Variants in AVEN observed in about 807,000 individuals in gnomAD.
The protein encoded by AVEN is cell death regulator Aven.
A neutral mutation model predicts 38.1 loss-of-function variants in AVEN; 41 were observed. The ratio of observed to expected loss-of-function variants is 1.08; its 90% CI spans 0.84 to 1.40. AVEN has a LOEUF of 1.40. AVEN is among the 40% of genes most tolerant of loss of function. The pLI, the probability that AVEN is intolerant of heterozygous loss-of-function variation, is 0.00. For missense variants in AVEN, 605 were observed against 438.8 expected (o/e 1.38, Z -3.38); for synonymous variants, 206 against 171.8 (o/e 1.20, Z -1.56).
the AVEN span, chr15:33,853,511 T>A: frequency 6.3e-7 from 1 of 1,597,922 alleles, no homozygotes; most frequent in South Asian, 1.1e-5. Flanking sequence ...AAATATTTGG[T>A]GGTGGCGTGT....
intron 1 of AVEN, among the ~76,000 whole-genome samples, chr15:34,010,679 T>A (rs1897600565): frequency 6.6e-6 from 1 of 152,156 alleles, no homozygotes; most frequent in African/African-American, 2.4e-5. Context: ...AAAGAACACA[T>A]TTAAGGAAAC....
At chr15:33,870,182 G>A (rs1453185272) in intron 4 of AVEN, among the ~76,000 whole-genome samples, 1 of 151,942 alleles carries the variant, frequency 6.6e-6, no homozygotes, top group East Asian at 1.9e-4. Flanking sequence ...CCTCTCCTCT[G>A]CCATCTCCAC....
intron 2 of AVEN, among the ~76,000 whole-genome samples, chr15:33,962,997 A>C (rs1895255959): frequency 6.6e-6 from 1 of 151,774 alleles, no homozygotes; most frequent in Non-Finnish European, 1.5e-5. Flanking sequence ...GATAATGACT[A>C]AATCAAAATT....
chr15:33,911,183 A>C (rs1218951767), intron 2 of AVEN, among the ~76,000 whole-genome samples: 1 of 152,174 alleles, frequency 6.6e-6, no homozygotes, highest in Non-Finnish European at 1.5e-5. Context: ...CAGTATCAAA[A>C]CCACCGCTGC....
intron 11 of AVEN, chr15:33,860,494 CA>C: frequency 1.5e-6 from 1 of 646,714 alleles, no homozygotes; most frequent in South Asian, 3.0e-5. Context: ...TTTGATAATT[CA>C]CTTTTTTTTT....
At chr15:33,876,132 A>G (rs749316455) in intron 2 of AVEN, 137 bp from the exon 3 acceptor site, 5 of 694,064 alleles carry the variant, frequency 7.2e-6, no homozygotes, top group Non-Finnish European at 1.2e-5. Flanking sequence ...AAACTGGAAC[A>G]TACCTCCAAC....
At chr15:33,858,061 G>T, downstream of AVEN, 6 of 1,043,996 alleles carry the variant, frequency 5.7e-6, no homozygotes, top group Non-Finnish European at 8.1e-6. Context: ...GTAGAAGACA[G>T]ATGTCTTCTC....
chr15:33,896,072 G>C (rs537020436), intron 2 of AVEN, among the ~76,000 whole-genome samples: 1 of 152,280 alleles, frequency 6.6e-6, no homozygotes, highest in East Asian at 1.9e-4. Flanking sequence ...AATATTAAAA[G>C]CAAGACCTAA....
At chr15:34,046,700 G>C (rs1899697728) in intron 5 of AVEN, 1 of 152,272 alleles carries the variant, frequency 6.6e-6, no homozygotes, top group Non-Finnish European at 1.5e-5. Flanking sequence ...GCAAAGGAAT[G>C]AAAGGTGTGA....
At chr15:33,854,913 G>T, downstream of AVEN, 1 of 1,608,844 alleles carries the variant, frequency 6.2e-7, no homozygotes, top group Non-Finnish European at 8.5e-7. Context: ...TGGCAAACAG[G>T]TATGGTTTCT....
chr15:33,984,946 C>G (rs1249384289), intron 2 of AVEN, among the ~76,000 whole-genome samples: 1 of 152,106 alleles, frequency 6.6e-6, no homozygotes, highest in Non-Finnish European at 1.5e-5. Flanking sequence ...AAGAGATGAA[C>G]CAACCAATAT....
At chr15:33,993,714 C>CTGG (rs980609693) in intron 2 of AVEN, among the ~76,000 whole-genome samples, 53 of 152,304 alleles carry the variant, frequency 3.5e-4, no homozygotes, top group African/African-American at 1.3e-3. Context: ...ACCACACCTG[C>CTGG]TACCGGGCCC....
At chr15:33,858,080 A>G (rs2079892751), downstream of AVEN, 5 of 923,028 alleles carry the variant, frequency 5.4e-6, no homozygotes, top group South Asian at 1.8e-5. Context: ...TCCAAACAGG[A>G]GAGTGTCCTG....
At chr15:33,883,951 C>T (rs1358753632) in intron 2 of AVEN, among the ~76,000 whole-genome samples, 1 of 152,180 alleles carries the variant, frequency 6.6e-6, no homozygotes, top group Non-Finnish European at 1.5e-5. Flanking sequence ...GTTCAATGTT[C>T]TAACCAAGAC....
chr15:33,996,234 C>A lies in AVEN; in HGVS notation c.445+6798G>T, dbSNP rs561250518. Reference sequence around the variant, plus strand: ...TAGCAAGGCCTGCTGCCTCTGTAGACCCCACCCCTGGGGGCAGGGCATAGC... The same window carrying A: ...TAGCAAGGCCTGCTGCCTCTGTAGAACCCACCCCTGGGGGCAGGGCATAGC... On this transcript the variant is annotated intron_variant, in intron 2 of 5. Transcript: ENST00000306730. Among the ~76,000 whole-genome samples, 50 of 152,346 alleles carry A rather than the reference C, an allele frequency of 3.3e-4. 2 individuals carry two copies. The South Asian group carries it at 0.01, about 31-fold the overall frequency.
At chr15:34,023,861 C>A (rs2702282) in intron 1 of AVEN, among the ~76,000 whole-genome samples, 72,274 of 152,060 alleles carry the variant, frequency 0.48, 20,501 homozygotes, top group Non-Finnish European at 0.64. Context: ...ACAGATGCCA[C>A]GTTTTTGGCC....
At chr15:33,857,520 A>T (rs1161784668), downstream of AVEN, among the ~76,000 whole-genome samples, 1 of 151,970 alleles carries the variant, frequency 6.6e-6, no homozygotes, top group African/African-American at 2.4e-5. Flanking sequence ...TCAGCATATG[A>T]ATTTGAAGGG....
upstream of AVEN, among the ~76,000 whole-genome samples, chr15:34,041,826 G>T (rs1448143732): frequency 1.3e-5 from 2 of 152,140 alleles, no homozygotes; most frequent in Non-Finnish European, 2.9e-5. Flanking sequence ...ATTTGCTCAA[G>T]CTAGTAAGTA....
At chr15:33,943,002 C>T (rs951649165) in intron 2 of AVEN, among the ~76,000 whole-genome samples, 7 of 152,138 alleles carry the variant, frequency 4.6e-5, no homozygotes, top group Non-Finnish European at 1.0e-4. Flanking sequence ...AGAAAGTGCA[C>T]TGTTACTGGG....
Sources: allele counts gnomAD v4.1 joint callset (sites outside exome capture counted in the v4.1 genomes callset), GRCh38; gene constraint gnomAD v4.1.1; transcripts MANE v1.5; gene names NCBI Gene and HGNC (gene_info 2026-07-23, HGNC 2026-07-21).